Variants in ZNF107 observed in about 807,000 individuals in gnomAD.
The protein encoded by ZNF107 is C2H2 type zinc-finger protein.
Under a neutral mutation model 12.3 loss-of-function variants are expected in ZNF107, and 19 were observed. The observed-to-expected ratio is 1.55, with a 90% CI of 1.08 to 2.27. The LOEUF is 2.27. ZNF107 is among the 30% of genes most tolerant of loss of function. The pLI, the probability that ZNF107 is intolerant of heterozygous loss-of-function variation, is 0.00. For missense variants in ZNF107, 958 were observed against 979.9 expected, an observed-to-expected ratio of 0.98 and a Z score of 0.30; for synonymous variants, 317 against 330.5, an observed-to-expected ratio of 0.96 and a Z score of 0.44.
chr7:64,698,537 T>G (rs1376521087), intron 3 of ZNF107, among the ~76,000 whole-genome samples: 3 of 152,108 alleles, frequency 2.0e-5, no homozygotes, highest in Non-Finnish European at 4.4e-5. Context: ...TTCTCCTGCC[T>G]CAGCCTCTCC....
At chr7:64,673,244 A>G (rs1789301119) in intron 1 of ZNF107, among the ~76,000 whole-genome samples, 1 of 152,154 alleles carries the variant, frequency 6.6e-6, no homozygotes, top group Admixed American at 6.5e-5. Context: ...GGGTTTCACC[A>G]TCTTGGTCAG....
intron 1 of ZNF107, chr7:64,690,359 AG>A: frequency 2.0e-6 from 2 of 985,402 alleles, no homozygotes; most frequent in South Asian, 9.4e-5. Flanking sequence ...TCCCAGCTGC[AG>A]TTCTGTTCAG....
At chr7:64,686,482 C>T in intron 1 of ZNF107, 2 of 984,730 alleles carry the variant, frequency 2.0e-6, no homozygotes, top group Non-Finnish European at 2.4e-6. Context: ...GTCCATGCCG[C>T]CCCAAGTCCC....
In ZNF107 at chr7:64,709,038, G is replaced by A; in HGVS notation, c.*382G>A. 1 of 436,450 alleles carries A rather than the reference G, an allele frequency of 2.3e-6. No homozygotes were observed. The highest frequency in any genetic ancestry group is 4.6e-6 in the Non-Finnish European group (1 of 219,488). 27.0% of individuals were successfully genotyped at this position (436,450 alleles called of 1,614,324 possible). ...ACATAAGATAATTTATACTGGAGAG[G>A]AACTCTATAGTTGTGAAGAATGTGG... On this transcript the variant is annotated 3_prime_UTR_variant, in exon 4 of 4. Coordinates refer to ENST00000620827, the MANE Select transcript of ZNF107 (RefSeq NM_001282359.2).
At chr7:64,680,431 C>T (rs1261431955) in intron 1 of ZNF107, among the ~76,000 whole-genome samples, 1 of 152,154 alleles carries the variant, frequency 6.6e-6, no homozygotes, top group Non-Finnish European at 1.5e-5. Context: ...ACCACTGGCG[C>T]CTTGAGCCAG....
intron 3 of ZNF107, 27 bp downstream of exon 3, chr7:64,691,987 C>A: frequency 7.2e-7 from 1 of 1,394,762 alleles, no homozygotes; most frequent in Non-Finnish European, 9.5e-7. Flanking sequence ...GTGAATACAA[C>A]AGATGACAAA....
intron 3 of ZNF107, 50 bp downstream of exon 3, chr7:64,692,010 A>G: frequency 3.2e-6 from 4 of 1,262,476 alleles, no homozygotes; most frequent in Non-Finnish European, 3.2e-6. Flanking sequence ...TGAAAGGTCA[A>G]AGGTCAAAGA....
rs1326174900 is a variant in ZNF107, at chr7:64,706,383, C to G, written c.286C>G (p.Gln96Glu). 10 of 1,610,024 alleles carry G rather than the reference C, an allele frequency of 6.2e-6. No homozygotes were observed. In the East Asian group the frequency reaches 2.2e-4, roughly 36 times the overall value. The change falls in exon 4 of 4, where the codon CAG (glutamine) becomes GAG (glutamate). Residue 96 changes from glutamine to glutamate, a missense_variant. Physicochemically the swap from Gln to Glu is conservative, Grantham distance 29. Transcript: ENST00000620827. ...WPEQNIKDSF[Q>E]KVTLRRYGKC... ...AGAGCAGAACATAAAAGATTCTTTC[C>G]AGAAAGTGACACTGAGAAGATACGG...
In ZNF107 at chr7:64,710,342, A is replaced by T. The variant is rs990488099; in HGVS notation, c.*1686A>T. 1.3e-5 allele frequency: 2 copies of T among 152,158 alleles called. No homozygotes were observed. The highest frequency in any genetic ancestry group is 2.9e-5 in the Non-Finnish European group (2 of 68,008). The allele number at this position is 152,158 out of a possible 1,614,324, so 9.4% of individuals were successfully genotyped here. A position where few individuals can be genotyped will look rare whatever the true frequency, so the allele number is the denominator to read the frequency against. On this transcript the variant is annotated 3_prime_UTR_variant, in exon 4 of 4. Coordinates refer to ENST00000620827, the MANE Select transcript of ZNF107 (RefSeq NM_001282359.2). ...TAATGCATTTGTGAAAACATTTTTT[A>T]AAAAACTACAGCTTAGAAAATACCA...
At chr7:64,702,259 C>T (rs1187649170) in intron 3 of ZNF107, among the ~76,000 whole-genome samples, 1 of 151,810 alleles carries the variant, frequency 6.6e-6, no homozygotes, top group Non-Finnish European at 1.5e-5. Flanking sequence ...AAGTGATTCT[C>T]CTGCCTCAGC....
intron 1 of ZNF107, among the ~76,000 whole-genome samples, chr7:64,677,274 C>T (rs1789449956): frequency 6.6e-6 from 1 of 151,688 alleles, no homozygotes; most frequent in Admixed American, 6.6e-5. Flanking sequence ...CAGGTTCAAG[C>T]CATTCACCTG....
Position 64,708,734 on chromosome 7 carries a change from T to G in ZNF107, c.*78T>G. ...CAAATGTGAAGAATGTGTTAAAGCC[T>G]TTAACAAGTCTTCAACTTTTTCTGC... On this transcript the variant is annotated 3_prime_UTR_variant, in exon 4 of 4. Coordinates refer to ENST00000620827, the MANE Select transcript of ZNF107 (RefSeq NM_001282359.2). The G allele has an allele frequency of 7.1e-7, 1 of 1,408,474 alleles. No homozygotes were observed. The highest frequency in any genetic ancestry group is 1.5e-5 in the African/African-American group (1 of 68,960). The allele number at this position is 1,408,474 out of a possible 1,614,324, so 87.2% of individuals were successfully genotyped here.
rs767264170 is a variant in ZNF107, at chr7:64,707,486, C to G, written c.1389C>G (p.Asn463Lys). 10 of 1,613,122 alleles carry G rather than the reference C, an allele frequency of 6.2e-6. No homozygotes were observed. In the South Asian group the frequency reaches 1.1e-4, roughly 18 times the overall value. ...YKCEECGKAFNQHSNLINHRK... is the reference protein window; with the variant it reads ...YKCEECGKAFKQHSNLINHRK... ...GTGAAGAATGTGGCAAAGCTTTTAA[C>G]CAACACTCAAACCTAATTAACCATA... The change falls in exon 4 of 4, where the codon AAC (asparagine) becomes AAG (lysine). Residue 463 changes from asparagine (N) to lysine (K), a missense_variant. Physicochemically the swap from Asn to Lys is moderately conservative, Grantham distance 94. Coordinates refer to ENST00000620827, the MANE Select transcript of ZNF107 (RefSeq NM_001282359.2).
At chr7:64,671,320 G>A (rs1490309321) in intron 1 of ZNF107, among the ~76,000 whole-genome samples, 1 of 152,136 alleles carries the variant, frequency 6.6e-6, no homozygotes, top group African/African-American at 2.4e-5. Flanking sequence ...ATACATTGAT[G>A]TGTCCACACC....
chr7:64,706,918 T>C lies in ZNF107; in HGVS notation c.821T>C (p.Ile274Thr), dbSNP rs375393121. 122 of 1,611,480 alleles carry C rather than the reference T, an allele frequency of 7.6e-5. No individual in the cohort carries two copies. Among genetic ancestry groups the C allele is most frequent in the East Asian group, 5.8e-4 (26 of 44,776 alleles). ...TTTAAACAGGCCTCACACCTTACTA[T>C]ACATAAAATAATTCATACTGGAGAA... ...KAFKQASHLT[I>T]HKIIHTGEKP... The change falls in exon 4 of 4, where the codon ATA becomes ACA. Residue 274 changes from isoleucine to threonine, a missense_variant. Ile to Thr is a moderately conservative substitution (Grantham distance 89, BLOSUM62 -1). Coordinates refer to ENST00000620827, the MANE Select transcript of ZNF107 (RefSeq NM_001282359.2).
rs573093517 is a variant in ZNF107, at chr7:64,708,765, C to T, written c.*109C>T. 1.0e-4 allele frequency: 113 copies of T among 1,107,402 alleles called. No individual in the cohort carries two copies. Among genetic ancestry groups the T allele is most frequent in the Middle Eastern group, 4.2e-4 (2 of 4,758 alleles). 68.6% of individuals were successfully genotyped at this position (1,107,402 alleles called of 1,614,324 possible). Reference sequence around the variant, plus strand: ...AAGTCTTCAACTTTTTCTGCACACACGAGGTATTTTATACTGGTGAGAAAC... The same window carrying T: ...AAGTCTTCAACTTTTTCTGCACACATGAGGTATTTTATACTGGTGAGAAAC... On this transcript the variant is annotated 3_prime_UTR_variant, in exon 4 of 4. Coordinates refer to ENST00000620827, the MANE Select transcript of ZNF107 (RefSeq NM_001282359.2).
intron 3 of ZNF107, among the ~76,000 whole-genome samples, chr7:64,694,649 G>A (rs1269638393): frequency 1.3e-5 from 2 of 151,998 alleles, no homozygotes; most frequent in Admixed American, 6.6e-5. Context: ...TCGCAGGTGT[G>A]ATACATGATG....
Position 64,709,230 on chromosome 7 carries a change from A to G in ZNF107, c.*574A>G. On this transcript the variant is annotated 3_prime_UTR_variant, in exon 4 of 4. Transcript: ENST00000620827. Reference sequence around the variant, plus strand: ...CCCTACAAATGTGAAGTCTGTGGCAAAGCTTTTAACTGATTCTCAACTCTT... The same window carrying G: ...CCCTACAAATGTGAAGTCTGTGGCAGAGCTTTTAACTGATTCTCAACTCTT... 2.5e-6 allele frequency: 1 copy of G among 399,614 alleles called. No individual in the cohort carries two copies. Among genetic ancestry groups the G allele is most frequent in the East Asian group, 6.4e-5 (1 of 15,510 alleles). 24.8% of individuals were successfully genotyped at this position (399,614 alleles called of 1,614,324 possible).
In ZNF107 at chr7:64,686,446, C is replaced by T. The variant is rs1403974712; in HGVS notation, c.4-4802C>T. 3.3e-6 allele frequency: 3 copies of T among 921,276 alleles called. No homozygotes were observed. In the African/African-American group the frequency reaches 5.4e-5, roughly 17 times the overall value. 57.1% of individuals were successfully genotyped at this position (921,276 alleles called of 1,614,324 possible). ...TAACTGCCCCTCAATGTCACCCCCA[C>T]CCCAAGATCTCTCTCCCAATTAGGA... On this transcript the variant is annotated intron_variant, in intron 1 of 3. Coordinates refer to ENST00000620827, the MANE Select transcript of ZNF107 (RefSeq NM_001282359.2).
Sources: gnomAD v4.1 joint callset for allele counts (sites outside exome capture counted in the v4.1 genomes callset) on GRCh38, gnomAD v4.1.1 for gene constraint, MANE v1.5 for transcripts, NCBI Gene and HGNC (gene_info 2026-07-23, HGNC 2026-07-21) for gene names.